AAGAB: variants seen among roughly 807,000 people sequenced by gnomAD.
The protein encoded by AAGAB is alpha- and gamma-adaptin-binding protein p34.
A neutral mutation model predicts 44.1 loss-of-function variants in AAGAB; 38 were observed. That is an observed-to-expected ratio of 0.86 (90% CI 0.67 to 1.13). AAGAB has a LOEUF of 1.13. Among genes scored for constraint, AAGAB ranks in the 50% most tolerant of loss-of-function variants. The probability of loss-of-function intolerance (pLI) is 0.00; values close to 1 mark genes in which losing one functional copy is unlikely to be tolerated. For synonymous variants in AAGAB, 131 were observed against 131.8 expected, an observed-to-expected ratio of 0.99 and a Z score of 0.04; for missense variants, 450 against 373.8, an observed-to-expected ratio of 1.20 and a Z score of -1.68.
chr15:67,243,996 T>C lies in AAGAB; in HGVS notation c.74-7176A>G, dbSNP rs116935199. On this transcript the variant is annotated intron_variant, in intron 1 of 9. Transcript: ENST00000261880. Reference sequence around the variant, plus strand: ...AGGACAATTACGAGATAAAAATAATTTTCATATTCAAATGGTAATTTTTCA... The same window carrying C: ...AGGACAATTACGAGATAAAAATAATCTTCATATTCAAATGGTAATTTTTCA... 8.6e-4 allele frequency among the ~76,000 whole-genome samples: 131 copies of C among 152,296 alleles called. No homozygotes were observed. In the East Asian group the frequency reaches 0.024, roughly 28 times the overall value.
Position 67,204,039 on chromosome 15 carries a change from A to G in AAGAB, c.820+5T>C, listed in dbSNP as rs939736095. On this transcript the variant is annotated splice_donor_5th_base_variant and intron_variant, in intron 8 of 9. Transcript: ENST00000261880. Reference sequence around the variant, plus strand: ...GAACATATTAGACACAATGGATCTGATTACCTTTCATTTCCTTTAACTTTG... The same window carrying G: ...GAACATATTAGACACAATGGATCTGGTTACCTTTCATTTCCTTTAACTTTG... The G allele has an allele frequency of 1.9e-6, 3 of 1,553,380 alleles. No individual in the cohort carries two copies. Among genetic ancestry groups the G allele is most frequent in the Non-Finnish European group, 2.7e-6 (3 of 1,125,616 alleles).
chr15:67,213,324 T>C (rs933200081), intron 5 of AAGAB, among the ~76,000 whole-genome samples: 4 of 152,180 alleles, frequency 2.6e-5, no homozygotes, highest in South Asian at 4.1e-4. Flanking sequence ...GATTTTAAAT[T>C]GGAAATTCTT....
chr15:67,203,540 T>G lies in AAGAB; in HGVS notation c.870+8A>C, dbSNP rs1012043276. ...GGTATTCAATAAATACCTGGCTGAT[T>G]GTCTCACCTTTTCTGCATGCACTTT... On this transcript the variant is annotated splice_region_variant and intron_variant, in intron 9 of 9. Transcript: ENST00000261880. The G allele has an allele frequency of 2.5e-6, 4 of 1,613,100 alleles. No homozygotes were observed. Among genetic ancestry groups the G allele is most frequent in the Non-Finnish European group, 3.4e-6 (4 of 1,179,450 alleles).
intron 5 of AAGAB, among the ~76,000 whole-genome samples, chr15:67,223,406 G>A (rs1406283124): frequency 6.6e-6 from 1 of 152,124 alleles, no homozygotes; most frequent in Non-Finnish European, 1.5e-5. Flanking sequence ...TCAGTTGATG[G>A]CAACTAATCT....
In AAGAB at chr15:67,201,502, C is replaced by G. The variant is rs1316453074; in HGVS notation, c.*1319G>C. On this transcript the variant is annotated 3_prime_UTR_variant, in exon 10 of 10. Coordinates refer to ENST00000261880, the MANE Select transcript of AAGAB (RefSeq NM_024666.5). Reference sequence around the variant, plus strand: ...GGTGTGAGCCTTATTTCTTTCTGCTCCTAACCCAACCTGTTTCTTTCATGC... The same window carrying G: ...GGTGTGAGCCTTATTTCTTTCTGCTGCTAACCCAACCTGTTTCTTTCATGC... 2 of 152,256 alleles carry G rather than the reference C, an allele frequency of 1.3e-5. No individual in the cohort carries two copies. Among genetic ancestry groups the G allele is most frequent in the Non-Finnish European group, 2.9e-5 (2 of 68,050 alleles). The allele number at this position is 152,256 out of a possible 1,614,324, so 9.4% of individuals were successfully genotyped here. A position where few individuals can be genotyped will look rare whatever the true frequency, so the allele number is the denominator to read the frequency against.
intron 5 of AAGAB, among the ~76,000 whole-genome samples, chr15:67,214,553 G>A (rs892712749): frequency 1.3e-5 from 2 of 152,134 alleles, no homozygotes; most frequent in Non-Finnish European, 1.5e-5. Context: ...TGTCCCCTGG[G>A]GGGCAAAATC....
chr15:67,209,526 C>CTAAA lies in AAGAB; in HGVS notation c.550_553dup (p.Ser185IlefsTer2). 1.9e-6 allele frequency: 3 copies of CTAAA among 1,614,070 alleles called. No homozygotes were observed. Among genetic ancestry groups the CTAAA allele is most frequent in the Non-Finnish European group, 2.5e-6 (3 of 1,179,956 alleles). ...TGTTCCAGTCAATGAGTTGAGAAGG[C>CTAAA]TAAAGCCTTGGTTCCTATCTGAAAA... On this transcript the variant is annotated stop_gained and frameshift_variant, in exon 6 of 10. Coordinates refer to ENST00000261880, the MANE Select transcript of AAGAB (RefSeq NM_024666.5). LOFTEE classifies it high-confidence loss of function.
chr15:67,254,764 G>C (rs1965045780), upstream of AAGAB: 1 of 1,320,214 alleles, frequency 7.6e-7, no homozygotes. Flanking sequence ...CCCGCCCCTA[G>C]ACCCCCTTCC....
At position 67,254,569 on chromosome 15, in the gene AAGAB, C is replaced by G; in HGVS notation, c.63G>C (p.Gln21His). The change falls in exon 1 of 10, where the codon CAG (glutamine) becomes CAC (histidine). Residue 21 changes from glutamine to histidine, a missense_variant. Gln to His is a conservative substitution (Grantham distance 24). Transcript: ENST00000261880. ...TSCSSVFSGD[Q>H]LVQHILGTED... is the part of the protein sequence containing the mutation. ...CGCCTATCTACTCACGTTGGACCAG[C>G]TGGTCTCCTGAGAAGACGGAGGAGC... 1.2e-6 allele frequency: 2 copies of G among 1,609,364 alleles called. No individual in the cohort carries two copies. The highest frequency in any genetic ancestry group is 1.7e-6 in the Non-Finnish European group (2 of 1,178,712).
At chr15:67,255,066 A>G (rs1315986015), upstream of AAGAB, 6 of 991,604 alleles carry the variant, frequency 6.1e-6, no homozygotes, top group African/African-American at 6.4e-5. Context: ...ACTCCCTCCA[A>G]CTCGCGAGAG....
At chr15:67,217,273 T>A (rs570817231) in intron 5 of AAGAB, among the ~76,000 whole-genome samples, 7 of 152,266 alleles carry the variant, frequency 4.6e-5, no homozygotes, top group Non-Finnish European at 7.4e-5. Flanking sequence ...GTTCTACCCA[T>A]CCTAGAGGTT....
At chr15:67,215,044 T>C (rs1228339790) in intron 5 of AAGAB, among the ~76,000 whole-genome samples, 2 of 151,742 alleles carry the variant, frequency 1.3e-5, no homozygotes, top group African/African-American at 2.4e-5. Context: ...GCAGTGAAAA[T>C]ATCCTCCCTC....
At chr15:67,213,264 T>C (rs1212074093) in intron 5 of AAGAB, among the ~76,000 whole-genome samples, 2 of 152,348 alleles carry the variant, frequency 1.3e-5, no homozygotes, top group East Asian at 1.9e-4. Context: ...GTCATTAGCA[T>C]AGATTCTTCC....
intron 1 of AAGAB, among the ~76,000 whole-genome samples, chr15:67,242,060 A>G (rs1285180612): frequency 6.6e-6 from 1 of 152,234 alleles, no homozygotes; most frequent in Non-Finnish European, 1.5e-5. Context: ...GAACTGAGCA[A>G]AATATGACTT....
intron 5 of AAGAB, among the ~76,000 whole-genome samples, chr15:67,230,543 G>C (rs886258428): frequency 2.0e-5 from 3 of 152,184 alleles, no homozygotes; most frequent in African/African-American, 7.2e-5. Flanking sequence ...AGAGAGGCCT[G>C]AAACAGATCC....
intron 1 of AAGAB, among the ~76,000 whole-genome samples, chr15:67,246,974 A>G (rs912766954): frequency 2.6e-5 from 4 of 152,194 alleles, no homozygotes; most frequent in African/African-American, 9.6e-5. Context: ...GCTCTTTACA[A>G]TAAATCTTGC....
chr15:67,228,640 A>G (rs1467791567), intron 5 of AAGAB, among the ~76,000 whole-genome samples: 1 of 152,218 alleles, frequency 6.6e-6, no homozygotes, highest in Non-Finnish European at 1.5e-5. Flanking sequence ...ACCCAAAGGA[A>G]TGTAAATCAT....
intron 1 of AAGAB, among the ~76,000 whole-genome samples, chr15:67,239,823 C>A (rs1348804661): frequency 6.6e-6 from 1 of 152,160 alleles, no homozygotes; most frequent in Non-Finnish European, 1.5e-5. Flanking sequence ...TTTTCAAATG[C>A]TTAACAAGTT....
chr15:67,243,133 T>C (rs1028474177), intron 1 of AAGAB, among the ~76,000 whole-genome samples: 3 of 151,538 alleles, frequency 2.0e-5, no homozygotes, highest in African/African-American at 7.3e-5. Flanking sequence ...CATCTTAAAA[T>C]AATTGGGGAA....
Sources: allele counts gnomAD v4.1 joint callset (sites outside exome capture counted in the v4.1 genomes callset), GRCh38; gene constraint gnomAD v4.1.1; transcripts MANE v1.5; gene names NCBI Gene and HGNC (gene_info 2026-07-23, HGNC 2026-07-21).